The following ZBTB20 variants were observed in gnomAD, a reference collection of about 807,000 sequenced individuals.
ZBTB20 encodes the protein zinc finger and BTB domain-containing protein 20.
Under a neutral mutation model 56.9 loss-of-function variants are expected in ZBTB20, and 9 were observed. That is an observed-to-expected ratio of 0.16 (90% confidence interval 0.10 to 0.28). The LOEUF (loss-of-function observed/expected upper bound fraction) is 0.28, where lower values mean the gene tolerates loss of function less well. Ranked by LOEUF, ZBTB20 falls within the 10% of genes least tolerant of loss-of-function variation. The pLI, the probability that ZBTB20 is intolerant of heterozygous loss-of-function variation, is 1.00. For missense variants in ZBTB20, 655 were observed against 1,003.0 expected (o/e 0.65, Z 4.69); for synonymous variants, 417 against 420.7 (o/e 0.99, Z 0.11).
At chr3:114,426,784 T>C (rs530193472) in intron 7 of ZBTB20, among the ~76,000 whole-genome samples, 3 of 152,262 alleles carry the variant, frequency 2.0e-5, no homozygotes, top group African/African-American at 7.2e-5. Flanking sequence ...TAAGAACCAC[T>C]CCACCCACCT....
intron 6 of ZBTB20, among the ~76,000 whole-genome samples, chr3:114,667,592 C>T (rs187661010): frequency 6.6e-6 from 1 of 151,990 alleles, no homozygotes; most frequent in East Asian, 1.9e-4. Context: ...AAACATGACA[C>T]AAAAGATTTA....
chr3:114,372,666 A>G (rs538736142), intron 10 of ZBTB20, among the ~76,000 whole-genome samples: 4 of 151,996 alleles, frequency 2.6e-5, no homozygotes, highest in African/African-American at 9.6e-5. Flanking sequence ...CACCTCTAAA[A>G]TACAAACAAA....
intron 10 of ZBTB20, among the ~76,000 whole-genome samples, chr3:114,359,048 A>T (rs1184304423): frequency 2.0e-5 from 3 of 148,742 alleles, no homozygotes; most frequent in African/African-American, 7.5e-5. Context: ...GCCTCATTAT[A>T]TTATCCATTC....
chr3:114,441,684 C>T (rs540411853), intron 7 of ZBTB20, among the ~76,000 whole-genome samples: 133 of 152,144 alleles, frequency 8.7e-4, no homozygotes, highest in African/African-American at 3.1e-3. Flanking sequence ...ACCACTTACA[C>T]GGCAACTGCT....
intron 2 of ZBTB20, among the ~76,000 whole-genome samples, chr3:115,065,720 C>A (rs1465147189): frequency 6.6e-6 from 1 of 152,114 alleles, no homozygotes; most frequent in Non-Finnish European, 1.5e-5. Context: ...TCATCCGATT[C>A]AACCCTCTTA....
intron 2 of ZBTB20, among the ~76,000 whole-genome samples, chr3:115,055,611 T>C (rs753932858): frequency 6.6e-6 from 1 of 152,090 alleles, no homozygotes; most frequent in Non-Finnish European, 1.5e-5. Flanking sequence ...ATAATAGAGA[T>C]ATAAATATCT....
intron 4 of ZBTB20, among the ~76,000 whole-genome samples, chr3:114,813,946 T>C (rs1026840300): frequency 3.9e-5 from 6 of 152,112 alleles, no homozygotes; most frequent in Non-Finnish European, 7.4e-5. Flanking sequence ...TCAGTCTACA[T>C]TGAGGACTAC....
At chr3:114,879,007 T>C (rs2076300177) in intron 4 of ZBTB20, among the ~76,000 whole-genome samples, 1 of 152,228 alleles carries the variant, frequency 6.6e-6, no homozygotes, top group South Asian at 2.1e-4. Context: ...GATGGAATTA[T>C]CATCCGTATC....
intron 3 of ZBTB20, among the ~76,000 whole-genome samples, chr3:114,930,028 T>C (rs958348145): frequency 6.6e-6 from 1 of 152,198 alleles, no homozygotes; most frequent in Non-Finnish European, 1.5e-5. Context: ...ATGAAGCTCG[T>C]TTCTTGCCAA....
rs192723879 is a variant in ZBTB20, at chr3:114,575,600, A to T, written c.-294-75209T>A. 1.5e-3 allele frequency among the ~76,000 whole-genome samples: 228 copies of T among 152,236 alleles called. 4 individuals carry two copies. In the East Asian group the frequency reaches 0.029, roughly 19 times the overall value. ...AACTACCTTTAAAAAATAAAAAAAA[A>T]AAAAATAGGAACTACTTCAAAATGC... On this transcript the variant is annotated intron_variant, in intron 6 of 11. Coordinates refer to ENST00000675478, the MANE Select transcript of ZBTB20 (RefSeq NM_001348800.3).
At position 114,525,042 on chromosome 3, in the gene ZBTB20, C is replaced by T. The variant is rs75018620; in HGVS notation, c.-294-24651G>A. 2.8e-4 allele frequency among the ~76,000 whole-genome samples: 42 copies of T among 152,246 alleles called. 1 individual carries two copies. The East Asian group carries it at 6.6e-3, about 24-fold the overall frequency. ...AATTTTGAATACTCTCTACTCTCCC[C>T]CTTTGGGACCATCACTACTCTAGCC... On this transcript the variant is annotated intron_variant, in intron 6 of 11. Transcript: ENST00000675478.
chr3:115,060,999 T>C (rs2081993065), intron 2 of ZBTB20, among the ~76,000 whole-genome samples: 1 of 152,180 alleles, frequency 6.6e-6, no homozygotes, highest in Non-Finnish European at 1.5e-5. Context: ...GTATCCATTA[T>C]TTTATATCTT....
At chr3:114,717,846 C>T (rs1447213021) in intron 5 of ZBTB20, among the ~76,000 whole-genome samples, 1 of 151,874 alleles carries the variant, frequency 6.6e-6, no homozygotes, top group Non-Finnish European at 1.5e-5. Context: ...AACAATTTAA[C>T]ACGGATAACC....
chr3:114,357,361 T>A (rs1001423058), intron 10 of ZBTB20: 1 of 152,240 alleles, frequency 6.6e-6, no homozygotes, highest in Non-Finnish European at 1.5e-5. Context: ...ACTAGCTGGA[T>A]GTGCTTTTTT....
At chr3:115,037,370 C>T (rs1263718041) in intron 2 of ZBTB20, among the ~76,000 whole-genome samples, 1 of 152,110 alleles carries the variant, frequency 6.6e-6, no homozygotes, top group African/African-American at 2.4e-5. Context: ...CTGCAACCTC[C>T]GTCTCCCAGG....
intron 7 of ZBTB20, among the ~76,000 whole-genome samples, chr3:114,475,233 C>T (rs1182066000): frequency 2.0e-5 from 3 of 151,984 alleles, no homozygotes; most frequent in Non-Finnish European, 4.4e-5. Context: ...ATGCTCAAAT[C>T]CTGCTTGTTT....
At chr3:114,843,894 C>T (rs2074517095) in intron 4 of ZBTB20, among the ~76,000 whole-genome samples, 1 of 151,584 alleles carries the variant, frequency 6.6e-6, no homozygotes. Flanking sequence ...ACCGTGTTAG[C>T]CAGGCTGGTC....
intron 5 of ZBTB20, among the ~76,000 whole-genome samples, chr3:114,711,858 T>G (rs1048939079): frequency 6.6e-6 from 1 of 152,208 alleles, no homozygotes; most frequent in Admixed American, 6.5e-5. Context: ...GCAAACAACA[T>G]TCTAAGTGCT....
intron 6 of ZBTB20, among the ~76,000 whole-genome samples, chr3:114,583,452 C>T (rs986737920): frequency 6.6e-6 from 1 of 152,034 alleles, no homozygotes; most frequent in Non-Finnish European, 1.5e-5. Context: ...CCAACAATTA[C>T]AAGGACCAAC....
Sources: gnomAD v4.1 joint callset for allele counts (sites outside exome capture counted in the v4.1 genomes callset) on GRCh38, gnomAD v4.1.1 for gene constraint, MANE v1.5 for transcripts, NCBI Gene and HGNC (gene_info 2026-07-23, HGNC 2026-07-21) for gene names.